Variants in DDX51 observed in about 807,000 individuals in gnomAD.
DDX51 encodes DEAD-box helicase 51, also known as ATP-dependent RNA helicase DDX51.
In DDX51, 67 loss-of-function variants were observed where a neutral mutation model predicts 74.6. That is an observed-to-expected ratio of 0.90 (90% CI 0.74 to 1.10). DDX51 has a LOEUF of 1.10. DDX51 is among the 50% of genes least tolerant of loss of function. The probability of loss-of-function intolerance (pLI) is 0.00; values close to 1 mark genes in which losing one functional copy is unlikely to be tolerated. For missense variants in DDX51, 1,056 were observed against 905.2 expected (o/e 1.17, Z -2.14); for synonymous variants, 545 against 402.9 (o/e 1.35, Z -4.22).
rs73164956 is a variant in DDX51 at position 132,140,150 on chromosome 12, C to G, written c.1723G>C (p.Glu575Gln). Residue 575 changes from glutamate (E) to glutamine (Q), a missense_variant, in exon 12 of 15, where the codon GAG (glutamate) becomes CAG (glutamine). Glu to Gln is a conservative substitution (Grantham distance 29, BLOSUM62 2). Transcript: ENST00000397333. ...TARGIDVQGV[E>Q]LVVNYDAPQY... ...GGGGCGTCGTAGTTCACCACCAGCTCCACACCCTGCACGTCGATGCCTCGC... is the reference window on the plus strand; with the variant it reads ...GGGGCGTCGTAGTTCACCACCAGCTGCACACCCTGCACGTCGATGCCTCGC... The G allele has an allele frequency of 5.0e-5, 80 of 1,612,954 alleles. No individual in the cohort carries two copies. Among genetic ancestry groups the G allele is most frequent in the Middle Eastern group, 1.6e-4 (1 of 6,062 alleles).
In DDX51 at chr12:132,139,718, G is replaced by A. The variant is rs201788373; in HGVS notation, c.1891C>T (p.Arg631Trp). The change falls in exon 14 of 15, where the codon CGG becomes TGG. Residue 631 changes from arginine to tryptophan, a missense_variant. Physicochemically the swap from Arg to Trp is moderately radical, Grantham distance 101. Coordinates refer to ENST00000397333, the MANE Select transcript of DDX51 (RefSeq NM_175066.4). Reference sequence around the variant, plus strand: ...AGCAGCTTGCTGGAGAGCTCGTGCCGCTGCAACTCAGGTGCCCCAGCTTCA... The same window carrying A: ...AGCAGCTTGCTGGAGAGCTCGTGCCACTGCAACTCAGGTGCCCCAGCTTCA... ...LTEAGAPELQRHELSSKLLQP... is the reference protein window; with the variant it reads ...LTEAGAPELQWHELSSKLLQP... 1.0e-4 allele frequency: 167 copies of A among 1,612,916 alleles called. No individual in the cohort carries two copies. The highest frequency in any genetic ancestry group is 6.6e-4 in the Middle Eastern group (4 of 6,084).
At position 132,144,070 on chromosome 12, in the gene DDX51, A is replaced by G. The variant is rs1024810753; in HGVS notation, c.227T>C (p.Val76Ala). 2.4e-6 allele frequency: 3 copies of G among 1,248,866 alleles called. No individual in the cohort carries two copies. The highest frequency in any genetic ancestry group is 8.6e-5 in the Admixed American group (2 of 23,228). The allele number at this position is 1,248,866 out of a possible 1,614,324, so 77.4% of individuals were successfully genotyped here. Residue 76 changes from valine to alanine, a missense_variant, in exon 1 of 15, where the codon GTG becomes GCG. Physicochemically the swap from Val to Ala is moderately conservative, Grantham distance 64. Coordinates refer to ENST00000397333, the MANE Select transcript of DDX51 (RefSeq NM_175066.4). Reference sequence around the variant, plus strand: ...CGGGCTCCCCGGCTCCGCGTCGTTCACCCGCCGCCGCCGCCGGGGCCGCCG... The same window carrying G: ...CGGGCTCCCCGGCTCCGCGTCGTTCGCCCGCCGCCGCCGCCGGGGCCGCCG... The part of the protein sequence containing the change: ...RRRRPRRRRR[V>A]NDAEPGSPEA...
rs200190355 is a variant in DDX51, at chr12:132,140,169, G to C, written c.1704C>G (p.Gly568=). The change falls in exon 12 of 15, where the codon GGC becomes GGG. Residue 568 remains glycine (G), a synonymous_variant. Coordinates refer to ENST00000397333, the MANE Select transcript of DDX51 (RefSeq NM_175066.4). ...CCAGCTCCACACCCTGCACGTCGAT[G>C]CCTCGCGCGGTGGCGTCCGTGCTGA... The part of the protein sequence containing the change: ...LLISTDATAR[G]IDVQGVELVV... The C allele has an allele frequency of 1.5e-5, 24 of 1,612,832 alleles. No homozygotes were observed. The Admixed American group carries it at 1.8e-4, about 12-fold the overall frequency.
chr12:132,140,315 G>T, intron 11 of DDX51, 108 bp downstream of exon 11: 1 of 1,556,220 alleles, frequency 6.4e-7, no homozygotes, highest in Non-Finnish European at 8.8e-7. Flanking sequence ...TGGGGCTGGG[G>T]CACAGGAAGC....
In DDX51 at chr12:132,140,547, G is replaced by A. The variant is rs779340583; in HGVS notation, c.1557-8C>T. ...TGCACCAGCAGGAAGAGCCTAGGCA[G>A]AGAGAAGGCTGCGGCCAAGTGATGC... is the stretch of plus-strand genomic sequence containing the variant. On this transcript the variant is annotated splice_region_variant and splice_polypyrimidine_tract_variant and intron_variant, in intron 10 of 14. Transcript: ENST00000397333. The A allele has an allele frequency of 5.4e-5, 87 of 1,612,840 alleles. No homozygotes were observed. The highest frequency in any genetic ancestry group is 1.8e-4 in the Admixed American group (11 of 60,006).
At chr12:132,139,956 C>G in intron 12 of DDX51, 32 bp from the exon 13 acceptor site, 1 of 1,612,572 alleles carries the variant, frequency 6.2e-7, no homozygotes, top group Non-Finnish European at 8.5e-7. Flanking sequence ...TCCAGACTGG[C>G]CCCTGAGCCT....
chr12:132,141,161 C>T (rs1356390817), intron 8 of DDX51, 114 bp downstream of exon 8: 42 of 1,492,210 alleles, frequency 2.8e-5, no homozygotes, highest in African/African-American at 1.4e-4. Flanking sequence ...CAGTACGATG[C>T]GGTTCTGTGC....
In DDX51 at chr12:132,138,981, G is replaced by C; in HGVS notation, c.*291C>G. 1 of 468,604 alleles carries C rather than the reference G, an allele frequency of 2.1e-6. No individual in the cohort carries two copies. The allele number at this position is 468,604 out of a possible 1,614,324, so 29.0% of individuals were successfully genotyped here. A position where few individuals can be genotyped will look rare whatever the true frequency, so the allele number is the denominator to read the frequency against. ...CCCAACTCTCAGCAAAAGCATGACG[G>C]GTGCCCGCGTCCGTCTGGGAGTACT... On this transcript the variant is annotated 3_prime_UTR_variant, in exon 15 of 15. Coordinates refer to ENST00000397333, the MANE Select transcript of DDX51 (RefSeq NM_175066.4).
chr12:132,141,902 C>T lies in DDX51; in HGVS notation c.943G>A (p.Val315Ile), dbSNP rs1310314267. 1 of 1,613,212 alleles carries T rather than the reference C, an allele frequency of 6.2e-7. No homozygotes were observed. The highest frequency in any genetic ancestry group is 1.7e-5 in the Admixed American group (1 of 60,020). ...TTGGCCAGAGACTTCTGTCCCGTAA[C>T]CAGGGAGACTCTCAGAGGTGTGGCA... Reference protein sequence around the residue: ...TDATPLRVSLVTGQKSLAKEQ... With the variant: ...TDATPLRVSLITGQKSLAKEQ... Residue 315 changes from valine (V) to isoleucine (I), a missense_variant, in exon 6 of 15, where the codon GTT (valine) becomes ATT (isoleucine). By Grantham distance (29) the Val-to-Ile change is conservative. Coordinates refer to ENST00000397333, the MANE Select transcript of DDX51 (RefSeq NM_175066.4).
intron 6 of DDX51, 105 bp downstream of exon 6, chr12:132,141,745 A>T (rs1897472451): frequency 6.8e-7 from 1 of 1,468,500 alleles, no homozygotes; most frequent in East Asian, 2.3e-5. Flanking sequence ...TCACGGGAAC[A>T]GGTGGTTAAA....
At position 132,140,521 on chromosome 12, in the gene DDX51, T is replaced by G; in HGVS notation, c.1575A>C (p.Gln525His). The G allele has an allele frequency of 4.3e-6, 7 of 1,612,906 alleles. No homozygotes were observed. Among genetic ancestry groups the G allele is most frequent in the Non-Finnish European group, 4.2e-6 (5 of 1,179,992 alleles). ...ENSHRLFLLV[Q>H]AFGGVDVAEF... Reference sequence around the variant, plus strand: ...CAGCCACGTCCACACCCCCAAAAGCTTGCACCAGCAGGAAGAGCCTAGGCA... The same window carrying G: ...CAGCCACGTCCACACCCCCAAAAGCGTGCACCAGCAGGAAGAGCCTAGGCA... Residue 525 changes from glutamine (Q) to histidine (H), a missense_variant, in exon 11 of 15, where the codon CAA becomes CAC. By Grantham distance (24) the Gln-to-His change is conservative (BLOSUM62 0). Transcript: ENST00000397333.
rs776829844 is a variant in DDX51, at chr12:132,140,436, CCT to C, written c.1658_1659del (p.Gln553ArgfsTer70). 3 of 1,613,270 alleles carry C rather than the reference CCT, an allele frequency of 1.9e-6. No homozygotes were observed. Among genetic ancestry groups the C allele is most frequent in the Admixed American group, 1.7e-5 (1 of 60,022 alleles). On this transcript the variant is annotated frameshift_variant, in exon 11 of 15. Transcript: ENST00000397333. LOFTEE classifies it high-confidence loss of function. ...CCAGGAACTCACAGCTGGATCTTCC[CCT>C]GTTCAAACTGCTTCAGGATCATCCT... ...QRRMILKQFE[Q>X]GKIQLLISTD...
At position 132,144,216 on chromosome 12, in the gene DDX51, C is replaced by A; in HGVS notation, c.81G>T (p.Ala27=). The change falls in exon 1 of 15, where the codon GCG becomes GCT. Residue 27 remains alanine, a synonymous_variant. Coordinates refer to ENST00000397333, the MANE Select transcript of DDX51 (RefSeq NM_175066.4). ...AAGPEGAEAG[A]HGRARALLER... Reference sequence around the variant, plus strand: ...CGAGCAGCGCGCGGGCCCTGCCGTGCGCCCCGGCCTCCGCGCCCTCCGGCC... The same window carrying A: ...CGAGCAGCGCGCGGGCCCTGCCGTGAGCCCCGGCCTCCGCGCCCTCCGGCC... 3 of 1,203,414 alleles carry A rather than the reference C, an allele frequency of 2.5e-6. No homozygotes were observed. The highest frequency in any genetic ancestry group is 1.6e-5 in the African/African-American group (1 of 63,122). The allele number at this position is 1,203,414 out of a possible 1,614,324, so 74.5% of individuals were successfully genotyped here.
Position 132,138,415 on chromosome 12 carries a change from C to A in DDX51, c.*857G>T, listed in dbSNP as rs1469967090. The A allele has an allele frequency of 6.6e-6, 1 of 151,828 alleles. No individual in the cohort carries two copies. The highest frequency in any genetic ancestry group is 1.5e-5 in the Non-Finnish European group (1 of 67,996). 9.4% of individuals were successfully genotyped at this position (151,828 alleles called of 1,614,324 possible). A position where few individuals can be genotyped will look rare whatever the true frequency, so the allele number is the denominator to read the frequency against. ...GCAAGCTCCGCCTCCCGGGTTCACG[C>A]CATTCTCCTGCCTCAGCCTCCCGAG... On this transcript the variant is annotated 3_prime_UTR_variant, in exon 15 of 15. Transcript: ENST00000397333.
chr12:132,139,652 G>C lies in DDX51; in HGVS notation c.1957C>G (p.Leu653Val), dbSNP rs764834445. 1.2e-6 allele frequency: 2 copies of C among 1,613,128 alleles called. No homozygotes were observed. Among genetic ancestry groups the C allele is most frequent in the South Asian group, 2.2e-5 (2 of 91,090 alleles). ...VPRYEEALSQLEESVKEERKQ... is the reference protein window; with the variant it reads ...VPRYEEALSQVEESVKEERKQ... ...GCCCTTACCTTGACAGACTCCTCCA[G>C]CTGGGACAGGGCCTCCTCGTACCGA... The change falls in exon 14 of 15, where the codon CTG becomes GTG. Residue 653 changes from leucine (L) to valine (V), a missense_variant. Transcript: ENST00000397333.
chr12:132,143,352 G>T, intron 2 of DDX51: 1 of 474,892 alleles, frequency 2.1e-6, no homozygotes, highest in Non-Finnish European at 3.7e-6. Flanking sequence ...AAAACCACAC[G>T]TGCTAAGCAA....
rs1897319593 is a variant in DDX51, at chr12:132,138,137, T to C, written c.*1135A>G. On this transcript the variant is annotated 3_prime_UTR_variant, in exon 15 of 15. Transcript: ENST00000397333. ...CTGCTGAGAGATTTGTGTACGTTTC[T>C]GTGTGGATGTAGGTTTCATTGATCT... is the stretch of plus-strand genomic sequence containing the variant. 1 of 152,374 alleles carries C rather than the reference T, an allele frequency of 6.6e-6. No individual in the cohort carries two copies. The highest frequency in any genetic ancestry group is 2.4e-5 in the African/African-American group (1 of 41,476). The allele number at this position is 152,374 out of a possible 1,614,324, so 9.4% of individuals were successfully genotyped here.
intron 11 of DDX51, 72 bp from the exon 12 acceptor site, chr12:132,140,271 G>A (rs1897396438): frequency 6.4e-7 from 1 of 1,573,202 alleles, no homozygotes; most frequent in Non-Finnish European, 8.7e-7. Flanking sequence ...GCCCTGCGGG[G>A]GGCAGCTCAG....
chr12:132,141,296 G>A lies in DDX51; in HGVS notation c.1229C>T (p.Ala410Val), dbSNP rs1255747345. The change falls in exon 8 of 15, where the codon GCC (alanine) becomes GTC (valine). Residue 410 changes from alanine to valine, a missense_variant. Physicochemically the swap from Ala to Val is moderately conservative, Grantham distance 64. Coordinates refer to ENST00000397333, the MANE Select transcript of DDX51 (RefSeq NM_175066.4). ...ATACCTGGCGGCTGTCACAGCCTGG[G>A]CCTGCCTTCGCTGGAGCAGGGCACA... ...DPCALLQRRQ[A>V]QAVTAASTCC... The A allele has an allele frequency of 3.8e-6, 6 of 1,596,374 alleles. No individual in the cohort carries two copies. In the African/African-American group the frequency reaches 5.3e-5, roughly 14 times the overall value.
Sources: allele counts gnomAD v4.1 joint callset, GRCh38; gene constraint gnomAD v4.1.1; transcripts MANE v1.5; gene names NCBI Gene and HGNC (gene_info 2026-07-23, HGNC 2026-07-21).